Variants in SLC24A3 observed in about 807,000 individuals in gnomAD.
The protein encoded by SLC24A3 is sodium/potassium/calcium exchanger 3.
A neutral mutation model predicts 75.8 loss-of-function variants in SLC24A3; 28 were observed. The observed-to-expected ratio is 0.37, with a 90% CI of 0.27 to 0.51. SLC24A3 has a LOEUF of 0.51. Ranked by LOEUF, SLC24A3 falls within the 20% of genes least tolerant of loss-of-function variation. SLC24A3 has a pLI of 0.94. For synonymous variants in SLC24A3, 372 were observed against 334.1 expected (o/e 1.11, Z -1.24); for missense variants, 663 against 847.8 (o/e 0.78, Z 2.71).
chr20:19,454,964 T>C (rs572151327), intron 2 of SLC24A3, among the ~76,000 whole-genome samples: 1 of 152,266 alleles, frequency 6.6e-6, no homozygotes, highest in African/African-American at 2.4e-5. Flanking sequence ...GTCTAGGTGA[T>C]AGTGTCACTC....
At chr20:19,639,806 TAGAC>T (rs919919875) in intron 6 of SLC24A3, among the ~76,000 whole-genome samples, 2 of 152,178 alleles carry the variant, frequency 1.3e-5, no homozygotes, top group African/African-American at 2.4e-5. Flanking sequence ...AGGTGAGAAA[TAGAC>T]AGCAGCGCCG....
At chr20:19,650,217 G>T (rs1568685051) in intron 6 of SLC24A3, among the ~76,000 whole-genome samples, 1 of 152,168 alleles carries the variant, frequency 6.6e-6, no homozygotes, top group African/African-American at 2.4e-5. Flanking sequence ...TGAATATGCG[G>T]CTGAAATTTG....
intron 2 of SLC24A3, among the ~76,000 whole-genome samples, chr20:19,282,566 G>T (rs1983695493): frequency 6.6e-6 from 1 of 152,260 alleles, no homozygotes; most frequent in South Asian, 2.1e-4. Context: ...GGAAGGCACA[G>T]CTTCTGTGCC....
rs369262235 is a variant in SLC24A3 at position 19,698,933 on chromosome 20, G to C, written c.1719+253G>C. Among the ~76,000 whole-genome samples the C allele has an allele frequency of 7.5e-4, 114 of 152,306 alleles. 1 individual carries two copies. The South Asian group carries it at 0.022, about 30-fold the overall frequency. The stretch of plus-strand genomic sequence containing the variant: ...AATATTTTAGGCTTTGTGGGCCAGA[G>C]GATGTTTATACAGCTATTCAGCTTT... On this transcript the variant is annotated intron_variant, in intron 15 of 16. Coordinates refer to ENST00000328041, the MANE Select transcript of SLC24A3 (RefSeq NM_020689.4).
chr20:19,682,133 T>A, intron 10 of SLC24A3, 142 bp downstream of exon 10: 1 of 935,248 alleles, frequency 1.1e-6, no homozygotes, highest in Non-Finnish European at 1.6e-6. Context: ...CCCAAGCCTG[T>A]AATCCCAGCT....
At chr20:19,334,459 C>T (rs1600434882) in intron 2 of SLC24A3, among the ~76,000 whole-genome samples, 1 of 151,860 alleles carries the variant, frequency 6.6e-6, no homozygotes, top group Non-Finnish European at 1.5e-5. Flanking sequence ...TAATGTAAGG[C>T]AACAGACTTA....
At chr20:19,396,374 C>T (rs1986454212) in intron 2 of SLC24A3, among the ~76,000 whole-genome samples, 1 of 151,930 alleles carries the variant, frequency 6.6e-6, no homozygotes, top group African/African-American at 2.4e-5. Context: ...TTTATTTTAC[C>T]CATTTTAGTA....
intron 15 of SLC24A3, among the ~76,000 whole-genome samples, chr20:19,704,251 G>A (rs1470587977): frequency 2.6e-5 from 4 of 152,072 alleles, no homozygotes; most frequent in Non-Finnish European, 5.9e-5. Flanking sequence ...AGAGCAGTAG[G>A]GTGACTTGAG....
chr20:19,215,451 AG>A lies in SLC24A3; in HGVS notation c.142+2472del, dbSNP rs894131739. Among the ~76,000 whole-genome samples, 11 of 152,290 alleles carry A rather than the reference AG, an allele frequency of 7.2e-5. 1 individual carries two copies. Among genetic ancestry groups the A allele is most frequent in the African/African-American group, 2.6e-4 (11 of 41,546 alleles). ...CTTTGTAATATTTATATAATCTCAT[AG>A]GGGGTACCTTCATAATGATCAAAGG... On this transcript the variant is annotated intron_variant, in intron 1 of 16. Transcript: ENST00000328041.
chr20:19,617,625 C>T (rs1277802095), intron 6 of SLC24A3, among the ~76,000 whole-genome samples: 2 of 152,204 alleles, frequency 1.3e-5, no homozygotes, highest in Non-Finnish European at 2.9e-5. Context: ...CCAAGACTGC[C>T]TGCAGGAGGG....
chr20:19,645,653 T>C (rs557970327), intron 6 of SLC24A3, among the ~76,000 whole-genome samples: 1 of 152,268 alleles, frequency 6.6e-6, no homozygotes, highest in Admixed American at 6.5e-5. Context: ...AAAGTCTTGA[T>C]GTTGTGGACA....
At chr20:19,561,489 C>A (rs186675937) in intron 3 of SLC24A3, among the ~76,000 whole-genome samples, 36 of 152,252 alleles carry the variant, frequency 2.4e-4, no homozygotes, top group South Asian at 8.3e-4. Context: ...CACACCACTC[C>A]TATGTGTCTG....
At chr20:19,714,471 A>G (rs1280346625) in intron 15 of SLC24A3, among the ~76,000 whole-genome samples, 1 of 151,670 alleles carries the variant, frequency 6.6e-6, no homozygotes, top group Non-Finnish European at 1.5e-5. Context: ...CAAACCATCC[A>G]TAGCTGCAGC....
intron 7 of SLC24A3, among the ~76,000 whole-genome samples, chr20:19,660,932 T>A (rs1328178467): frequency 6.6e-6 from 1 of 152,050 alleles, no homozygotes; most frequent in Non-Finnish European, 1.5e-5. Flanking sequence ...TGTTTTGTAA[T>A]CCCTGCTGTC....
At chr20:19,703,110 T>G (rs531078221) in intron 15 of SLC24A3, among the ~76,000 whole-genome samples, 1 of 152,366 alleles carries the variant, frequency 6.6e-6, no homozygotes, top group East Asian at 1.9e-4. Context: ...AGTGGCATGC[T>G]TTAATATTCT....
intron 2 of SLC24A3, among the ~76,000 whole-genome samples, chr20:19,286,936 C>CT (rs1485506726): frequency 3.9e-5 from 6 of 152,194 alleles, no homozygotes; most frequent in Admixed American, 3.9e-4. Context: ...GCTTATGTAA[C>CT]TTGAACTTCT....
At chr20:19,457,682 C>A (rs1188398223) in intron 2 of SLC24A3, among the ~76,000 whole-genome samples, 2 of 152,156 alleles carry the variant, frequency 1.3e-5, no homozygotes, top group African/African-American at 4.8e-5. Flanking sequence ...CTGACAGCCA[C>A]AAATCACTCA....
intron 1 of SLC24A3, among the ~76,000 whole-genome samples, chr20:19,274,885 G>A (rs1022720632): frequency 6.6e-6 from 1 of 152,206 alleles, no homozygotes; most frequent in Non-Finnish European, 1.5e-5. Flanking sequence ...TGTAGGGTGG[G>A]GTATTTATAG....
At chr20:19,251,240 C>T (rs1208164269) in intron 1 of SLC24A3, among the ~76,000 whole-genome samples, 1 of 152,232 alleles carries the variant, frequency 6.6e-6, no homozygotes, top group Non-Finnish European at 1.5e-5. Context: ...TAGCCACTCA[C>T]TGATGTTGGG....
Sources: gnomAD v4.1 joint callset for allele counts (sites outside exome capture counted in the v4.1 genomes callset) on GRCh38, gnomAD v4.1.1 for gene constraint, MANE v1.5 for transcripts, NCBI Gene and HGNC (gene_info 2026-07-23, HGNC 2026-07-21) for gene names.